The following TMEFF2 variants were observed in gnomAD, a reference collection of about 807,000 sequenced individuals.
The protein encoded by TMEFF2 is tomoregulin-2.
Under a neutral mutation model 53.8 loss-of-function variants are expected in TMEFF2, and 28 were observed. That is an observed-to-expected ratio of 0.52 (90% CI 0.39 to 0.71). The LOEUF (loss-of-function observed/expected upper bound fraction) is 0.71, where lower values mean the gene tolerates loss of function less well. Among genes scored for constraint, TMEFF2 ranks in the 30% least tolerant of loss-of-function variants. The pLI is 0.00. For missense variants in TMEFF2, 353 were observed against 455.2 expected (o/e 0.78, Z 2.04); for synonymous variants, 162 against 166.3 (o/e 0.97, Z 0.20).
chr2:192,044,228 C>T (rs139619903), intron 5 of TMEFF2: 147 of 152,276 alleles, frequency 9.7e-4, no homozygotes, highest in African/African-American at 3.3e-3. Context: ...AAAGATATCA[C>T]ACTAGTCTAT....
chr2:191,979,145 A>T (rs903753915), intron 7 of TMEFF2, among the ~76,000 whole-genome samples: 2 of 152,210 alleles, frequency 1.3e-5, no homozygotes, highest in African/African-American at 4.8e-5. Flanking sequence ...TGAAACAAAT[A>T]TGAAATAGGA....
chr2:191,969,088 T>G (rs1443871558), intron 7 of TMEFF2, among the ~76,000 whole-genome samples: 1 of 151,502 alleles, frequency 6.6e-6, no homozygotes, highest in Non-Finnish European at 1.5e-5. Flanking sequence ...TATATATATA[T>G]ATATATGTTT....
intron 5 of TMEFF2, among the ~76,000 whole-genome samples, chr2:192,033,885 C>T (rs1300901093): frequency 1.3e-5 from 2 of 152,070 alleles, no homozygotes; most frequent in Admixed American, 1.3e-4. Flanking sequence ...TTTAAAAAAT[C>T]CTTTTTTTGG....
At chr2:192,089,646 A>G (rs1688745003) in intron 4 of TMEFF2, among the ~76,000 whole-genome samples, 1 of 152,096 alleles carries the variant, frequency 6.6e-6, no homozygotes, top group Admixed American at 6.6e-5. Context: ...CTGAACCTGC[A>G]TGTAGCCACT....
At chr2:192,157,771 A>G (rs1427820974) in intron 4 of TMEFF2, among the ~76,000 whole-genome samples, 4 of 152,052 alleles carry the variant, frequency 2.6e-5, no homozygotes. Flanking sequence ...ATAGGAAATT[A>G]TTTTAAGTGT....
intron 7 of TMEFF2, among the ~76,000 whole-genome samples, chr2:191,974,832 G>C (rs1215398909): frequency 6.6e-6 from 1 of 151,978 alleles, no homozygotes; most frequent in East Asian, 1.9e-4. Context: ...TATGTTAGTT[G>C]GCCAGTGGTT....
chr2:192,015,494 T>C (rs1686724757), intron 5 of TMEFF2, among the ~76,000 whole-genome samples: 2 of 152,092 alleles, frequency 1.3e-5, no homozygotes, highest in Admixed American at 1.3e-4. Context: ...CTACTGTTTT[T>C]TAAAGGCTAA....
rs566745469 is a variant in TMEFF2 at position 191,959,478 on chromosome 2, G to C, written c.746-3100C>G. Among the ~76,000 whole-genome samples the C allele has an allele frequency of 5.3e-5, 8 of 152,324 alleles. No individual in the cohort carries two copies. In the South Asian group the frequency reaches 1.7e-3, roughly 32 times the overall value. On this transcript the variant is annotated intron_variant, in intron 7 of 9. Transcript: ENST00000272771. ...TTGTTTCTACCCTGGTGCTTGCAGG[G>C]AAAGAAACAGGGAAAGCTAAAGAGA...
intron 5 of TMEFF2, among the ~76,000 whole-genome samples, chr2:192,045,477 A>G (rs767380494): frequency 6.6e-5 from 10 of 152,202 alleles, no homozygotes; most frequent in Non-Finnish European, 1.3e-4. Flanking sequence ...CCATGTAAAT[A>G]TTTACAAAAG....
intron 4 of TMEFF2, among the ~76,000 whole-genome samples, chr2:192,124,250 T>C (rs990384009): frequency 1.2e-4 from 18 of 152,338 alleles, no homozygotes; most frequent in Admixed American, 2.6e-4. Context: ...GTCTGAAAAT[T>C]GGAGGGAATG....
At chr2:192,177,209 C>G (rs950554377) in intron 4 of TMEFF2, 3 of 151,100 alleles carry the variant, frequency 2.0e-5, no homozygotes, top group Non-Finnish European at 4.5e-5. Flanking sequence ...TGATTCTGCC[C>G]TCTCAAAACC....
intron 4 of TMEFF2, among the ~76,000 whole-genome samples, chr2:192,171,666 C>T (rs1397968065): frequency 1.3e-5 from 2 of 152,074 alleles, no homozygotes. Flanking sequence ...TTCTCATTTG[C>T]AGTTCCCTTT....
intron 4 of TMEFF2, among the ~76,000 whole-genome samples, chr2:192,135,202 TCA>T (rs1689969690): frequency 6.6e-6 from 1 of 152,166 alleles, no homozygotes; most frequent in South Asian, 2.1e-4. Context: ...CACTGCCAGT[TCA>T]CACTGTTTCT....
intron 4 of TMEFF2, among the ~76,000 whole-genome samples, chr2:192,163,174 C>A (rs1049016534): frequency 2.0e-5 from 3 of 152,128 alleles, no homozygotes; most frequent in Non-Finnish European, 2.9e-5. Flanking sequence ...TCCAGTTACT[C>A]AAATTAGTTG....
At chr2:192,129,228 GGATT>G (rs1163290195) in intron 4 of TMEFF2, among the ~76,000 whole-genome samples, 1 of 151,966 alleles carries the variant, frequency 6.6e-6, no homozygotes, top group African/African-American at 2.4e-5. Flanking sequence ...CACATATTCT[GGATT>G]GATTTTCAGT....
At chr2:192,159,161 A>G (rs1322528461) in intron 4 of TMEFF2, among the ~76,000 whole-genome samples, 1 of 152,188 alleles carries the variant, frequency 6.6e-6, no homozygotes, top group African/African-American at 2.4e-5. Context: ...ACAAATGCTA[A>G]ATGGGGAATC....
intron 4 of TMEFF2, among the ~76,000 whole-genome samples, chr2:192,135,871 C>T (rs1375805380): frequency 6.6e-6 from 1 of 151,860 alleles, no homozygotes; most frequent in Non-Finnish European, 1.5e-5. Flanking sequence ...GAATTTCCTT[C>T]TCCTGGCTCA....
intron 4 of TMEFF2, among the ~76,000 whole-genome samples, chr2:192,142,957 G>A (rs1477181185): frequency 6.6e-6 from 1 of 152,120 alleles, no homozygotes; most frequent in Non-Finnish European, 1.5e-5. Context: ...TGTTCCACTA[G>A]CTGATTAAAC....
At chr2:192,167,144 C>T (rs1690788851) in intron 4 of TMEFF2, among the ~76,000 whole-genome samples, 1 of 152,116 alleles carries the variant, frequency 6.6e-6, no homozygotes, top group Non-Finnish European at 1.5e-5. Flanking sequence ...TCTAATTCTC[C>T]TAGTCAGCAG....
Sources: allele counts gnomAD v4.1 joint callset (sites outside exome capture counted in the v4.1 genomes callset), GRCh38; gene constraint gnomAD v4.1.1; transcripts MANE v1.5; gene names NCBI Gene and HGNC (gene_info 2026-07-23, HGNC 2026-07-21).